RALYL: variants seen among roughly 807,000 people sequenced by gnomAD.
RALYL encodes the protein RALY RNA binding protein like.
Under a neutral mutation model 35.1 loss-of-function variants are expected in RALYL, and 29 were observed. The observed-to-expected ratio is 0.83, with a 90% CI of 0.61 to 1.13. The LOEUF (loss-of-function observed/expected upper bound fraction) is 1.13, where lower values mean the gene tolerates loss of function less well. Ranked by LOEUF, RALYL falls within the 50% of genes most tolerant of loss-of-function variation. The pLI, the probability that RALYL is intolerant of heterozygous loss-of-function variation, is 0.00. For synonymous variants in RALYL, 120 were observed against 127.6 expected, an observed-to-expected ratio of 0.94 and a Z score of 0.40; for missense variants, 359 against 360.4, an observed-to-expected ratio of 1.00 and a Z score of 0.03.
intron 2 of RALYL, among the ~76,000 whole-genome samples, chr8:84,676,891 C>T (rs137869216): frequency 3.3e-5 from 5 of 152,264 alleles, no homozygotes; most frequent in Admixed American, 2.6e-4. Context: ...CAACCTCTGC[C>T]TCCCGGGTTC....
intron 1 of RALYL, among the ~76,000 whole-genome samples, chr8:84,369,471 C>T (rs1297049619): frequency 1.3e-5 from 2 of 152,084 alleles, no homozygotes; most frequent in Non-Finnish European, 2.9e-5. Context: ...TGAATTCTCT[C>T]TTCAACCCAG....
chr8:84,203,764 A>G (rs1340569190), intron 1 of RALYL, among the ~76,000 whole-genome samples: 1 of 152,134 alleles, frequency 6.6e-6, no homozygotes, highest in Non-Finnish European at 1.5e-5. Flanking sequence ...TATGCTTCTT[A>G]AAGATAGGTA....
At chr8:84,416,913 T>A (rs1440234648) in intron 1 of RALYL, among the ~76,000 whole-genome samples, 2 of 152,218 alleles carry the variant, frequency 1.3e-5, no homozygotes, top group African/African-American at 4.8e-5. Flanking sequence ...ACTTTTTGTT[T>A]TGTATAATGT....
At chr8:84,257,260 T>C (rs1166754834) in intron 1 of RALYL, among the ~76,000 whole-genome samples, 2 of 152,086 alleles carry the variant, frequency 1.3e-5, no homozygotes, top group Non-Finnish European at 2.9e-5. Context: ...TAAATGCAAT[T>C]AGAAAATGTT....
intron 1 of RALYL, among the ~76,000 whole-genome samples, chr8:84,449,588 C>G (rs889819651): frequency 1.3e-5 from 2 of 151,986 alleles, no homozygotes; most frequent in African/African-American, 4.8e-5. Flanking sequence ...TTTGCTCCCC[C>G]TGAGACTTTC....
At chr8:84,686,401 T>TGTTC (rs1836795082) in intron 2 of RALYL, among the ~76,000 whole-genome samples, 1 of 150,160 alleles carries the variant, frequency 6.7e-6, no homozygotes, top group Non-Finnish European at 1.5e-5. Context: ...TCATATTGTT[T>TGTTC]GTTTGTTTGT....
intron 2 of RALYL, among the ~76,000 whole-genome samples, chr8:84,579,130 CT>C (rs1338052860): frequency 2.6e-5 from 4 of 152,248 alleles, no homozygotes; most frequent in Middle Eastern, 3.4e-3. Context: ...CTCAGCCCCC[CT>C]AGGCCTCCCT....
chr8:84,866,649 G>A (rs188657957), intron 6 of RALYL, among the ~76,000 whole-genome samples: 5 of 152,232 alleles, frequency 3.3e-5, no homozygotes, highest in Admixed American at 1.3e-4. Flanking sequence ...AGGATTGAAT[G>A]AGCCAGCACA....
intron 2 of RALYL, among the ~76,000 whole-genome samples, chr8:84,733,214 G>A (rs942349369): frequency 2.0e-5 from 3 of 152,082 alleles, no homozygotes; most frequent in Non-Finnish European, 2.9e-5. Flanking sequence ...TTCTGGCTCA[G>A]GAAGCAGATA....
intron 1 of RALYL, among the ~76,000 whole-genome samples, chr8:84,217,505 TAAA>T (rs1361651005): frequency 6.6e-6 from 1 of 152,068 alleles, no homozygotes; most frequent in Non-Finnish European, 1.5e-5. Context: ...TGTGCAATGT[TAAA>T]AAGCTGGAGT....
At chr8:84,912,344 C>T (rs1218353677) in intron 8 of RALYL, among the ~76,000 whole-genome samples, 1 of 151,854 alleles carries the variant, frequency 6.6e-6, no homozygotes, top group African/African-American at 2.4e-5. Flanking sequence ...GTGCTAGGAA[C>T]CAGAGACTAA....
chr8:84,415,885 A>G (rs767451980), intron 1 of RALYL, among the ~76,000 whole-genome samples: 46 of 152,206 alleles, frequency 3.0e-4, no homozygotes, highest in Non-Finnish European at 6.2e-4. Context: ...AATAGGTGTT[A>G]AAAATCTCTA....
At chr8:84,730,204 T>A (rs1845877638) in intron 2 of RALYL, among the ~76,000 whole-genome samples, 1 of 151,968 alleles carries the variant, frequency 6.6e-6, no homozygotes, top group Non-Finnish European at 1.5e-5. Flanking sequence ...GTGGGCTTCA[T>A]CCCTGGGATG....
Position 84,262,339 on chromosome 8 carries a change from T to C in RALYL, c.-24+77915T>C, listed in dbSNP as rs138684708. The stretch of plus-strand genomic sequence containing the variant: ...TGGAAACTCAAAATAACATTTCAAG[T>C]TTCCTTATGTGCAAAGACTATTTAC... On this transcript the variant is annotated intron_variant, in intron 1 of 8. Transcript: ENST00000521268. 2.1e-3 allele frequency among the ~76,000 whole-genome samples: 315 copies of C among 152,278 alleles called. 1 individual carries two copies. The highest frequency in any genetic ancestry group is 6.9e-3 in the African/African-American group (288 of 41,568).
chr8:84,494,337 T>C (rs546321564), intron 1 of RALYL, among the ~76,000 whole-genome samples: 1 of 152,214 alleles, frequency 6.6e-6, no homozygotes, highest in African/African-American at 2.4e-5. Context: ...TCTGGTAACA[T>C]GATGCCTCCA....
chr8:84,690,103 C>T (rs1273561409), intron 2 of RALYL, among the ~76,000 whole-genome samples: 1 of 152,046 alleles, frequency 6.6e-6, no homozygotes, highest in Admixed American at 6.6e-5. Context: ...TTATTCACAA[C>T]ATCCAAGATA....
At chr8:84,522,186 A>T (rs1211559256) in intron 1 of RALYL, among the ~76,000 whole-genome samples, 1 of 151,918 alleles carries the variant, frequency 6.6e-6, no homozygotes, top group Non-Finnish European at 1.5e-5. Flanking sequence ...CTCTATTTTC[A>T]GCGGGTTCTT....
chr8:84,620,739 T>C (rs1223712963), intron 2 of RALYL, among the ~76,000 whole-genome samples: 1 of 151,158 alleles, frequency 6.6e-6, no homozygotes, highest in African/African-American at 2.4e-5. Context: ...CTACTTTTGG[T>C]CTTTGATGAT....
intron 1 of RALYL, among the ~76,000 whole-genome samples, chr8:84,201,855 C>A (rs1816924865): frequency 6.6e-6 from 1 of 152,116 alleles, no homozygotes; most frequent in South Asian, 2.1e-4. Context: ...GTGTGAACCA[C>A]TGTTCGCAGC....
Sources: gnomAD v4.1 joint callset for allele counts (sites outside exome capture counted in the v4.1 genomes callset) on GRCh38, gnomAD v4.1.1 for gene constraint, MANE v1.5 for transcripts, NCBI Gene and HGNC (gene_info 2026-07-23, HGNC 2026-07-21) for gene names.